The following PAX6 variants were observed in gnomAD, a reference collection of about 807,000 sequenced individuals.
The protein encoded by PAX6 is paired box protein Pax-6.
PAX6 carries 7 observed loss-of-function variants against 60.7 expected under a neutral mutation model. The ratio of observed to expected loss-of-function variants is 0.12; its 90% confidence interval spans 0.07 to 0.22. The LOEUF is 0.22. Among genes scored for constraint, PAX6 ranks in the 10% least tolerant of loss-of-function variants. The pLI is 1.00. For synonymous variants in PAX6, 208 were observed against 201.2 expected (o/e 1.03, Z -0.29); for missense variants, 355 against 555.2 (o/e 0.64, Z 3.62).
chr11:31,794,811 G>A lies in PAX6; in HGVS notation c.566-23C>T, dbSNP rs371156492. 5.0e-6 allele frequency: 8 copies of A among 1,613,758 alleles called. No homozygotes were observed. In the South Asian group the frequency reaches 6.6e-5, roughly 13 times the overall value. ...CATCTGGAACAAAAAGAATAGGATG[G>A]TAAGAGAAATTTGGATTAACTTGGA... On this transcript the variant is annotated intron_variant, in intron 8 of 13. Coordinates refer to ENST00000640368, the MANE Select transcript of PAX6 (RefSeq NM_001368894.2).
rs1461951168 is a variant in PAX6 at position 31,800,847 on chromosome 11, T to C, written c.409A>G (p.Ile137Val). ...TNDNIPSVSS[I>V]NRVLRNLASE... ...GCCAGGTTGCGAAGAACTCTGTTTA[T>C]TGATGACACCTGCAAATCAAACCAA... The change falls in exon 8 of 14, where the codon ATA becomes GTA. Residue 137 changes from isoleucine to valine, a missense_variant. This residue lies in a region of PAX6 where 143 missense variants were observed against 183.6 expected (regional missense o/e 0.78). Coordinates refer to ENST00000640368, the MANE Select transcript of PAX6 (RefSeq NM_001368894.2). The C allele has an allele frequency of 1.2e-6, 2 of 1,614,072 alleles. No individual in the cohort carries two copies. The highest frequency in any genetic ancestry group is 1.7e-6 in the Non-Finnish European group (2 of 1,180,038).
At chr11:31,803,076 C>G in intron 4 of PAX6, 1 of 552,978 alleles carries the variant, frequency 1.8e-6, no homozygotes, top group Non-Finnish European at 3.2e-6. Context: ...GACAACAGGA[C>G]CACCAGCCAT....
At position 31,800,738 on chromosome 11, in the gene PAX6, C is replaced by T. The variant is rs1953485711; in HGVS notation, c.518G>A (p.Arg173His). 1.9e-6 allele frequency: 3 copies of T among 1,614,070 alleles called. No homozygotes were observed. Among genetic ancestry groups the T allele is most frequent in the African/African-American group, 2.7e-5 (2 of 74,924 alleles). Residue 173 changes from arginine (R) to histidine (H), a missense_variant, in exon 8 of 14, where the codon CGC becomes CAC. This residue lies in a region of PAX6 where 143 missense variants were observed against 183.6 expected (regional missense o/e 0.78). Transcript: ENST00000640368. ...CGAAGTCCCCGGATACCAACCAGGG[C>T]GGGTGCCCCAGCTTCCGGTCTGCCC... is the stretch of plus-strand genomic sequence containing the variant. ...LNGQTGSWGT[R>H]PGWYPGTSVP...
upstream of PAX6, chr11:31,812,786 C>G (rs1565283337): frequency 6.6e-6 from 1 of 152,590 alleles, no homozygotes; most frequent in South Asian, 2.1e-4. Context: ...AATGAAGCAG[C>G]CGAAGGGTAC....
intron 8 of PAX6, among the ~76,000 whole-genome samples, chr11:31,798,132 G>C (rs561436004): frequency 7.1e-6 from 1 of 140,556 alleles, no homozygotes; most frequent in South Asian, 2.3e-4. Context: ...CTGGAGCGCG[G>C]ATCAAAACAT....
At chr11:31,801,423 C>G in intron 7 of PAX6, 138 bp downstream of exon 7, 1 of 1,549,156 alleles carries the variant, frequency 6.5e-7, no homozygotes, top group Non-Finnish European at 8.7e-7. Context: ...TCTCTGTTCC[C>G]CCAGGTACAA....
At chr11:31,799,823 A>G (rs908262477) in intron 8 of PAX6, among the ~76,000 whole-genome samples, 1 of 152,118 alleles carries the variant, frequency 6.6e-6, no homozygotes, top group African/African-American at 2.4e-5. Context: ...ATTATCCCGC[A>G]TATTATCTCC....
intron 8 of PAX6, among the ~76,000 whole-genome samples, chr11:31,796,909 C>T (rs941838671): frequency 3.9e-5 from 6 of 152,064 alleles, no homozygotes; most frequent in Admixed American, 6.5e-5. Flanking sequence ...GAGGGAGACG[C>T]GCTCCGCTCA....
At chr11:31,801,417 T>C in intron 7 of PAX6, 144 bp downstream of exon 7, 2 of 1,541,824 alleles carry the variant, frequency 1.3e-6, no homozygotes, top group Non-Finnish European at 8.7e-7. Context: ...CATTCCTCTC[T>C]GTTCCCCCAG....
chr11:31,801,487 G>C (rs1316142524), intron 7 of PAX6, 74 bp downstream of exon 7: 1 of 1,610,166 alleles, frequency 6.2e-7, no homozygotes, highest in Non-Finnish European at 8.5e-7. Flanking sequence ...AGTGGAGAGA[G>C]AGGGTGGGAG....
At position 31,801,906 on chromosome 11, in the gene PAX6, C is replaced by T; in HGVS notation, c.148G>A (p.Ala50Thr). ...TCCAGCACTTGGACTTTTGCATCTG[C>T]ATGGGTCTATAACACAAAAATATAC... ...CDISRILQTH[A>T]DAKVQVLDNQ... Residue 50 changes from alanine to threonine, a missense_variant, in exon 6 of 14, where the codon GCA becomes ACA. Physicochemically the swap from Ala to Thr is moderately conservative, Grantham distance 58. This residue lies in a region of PAX6 where 41 missense variants were observed against 77.1 expected (regional missense o/e 0.53). Coordinates refer to ENST00000640368, the MANE Select transcript of PAX6 (RefSeq NM_001368894.2). 1 of 1,613,816 alleles carries T rather than the reference C, an allele frequency of 6.2e-7. No homozygotes were observed. Among genetic ancestry groups the T allele is most frequent in the South Asian group, 1.1e-5 (1 of 91,046 alleles).
intron 8 of PAX6, among the ~76,000 whole-genome samples, chr11:31,799,713 C>T (rs1368638125): frequency 1.3e-5 from 2 of 152,272 alleles, no homozygotes; most frequent in Non-Finnish European, 1.5e-5. Flanking sequence ...GGTCCGAGAG[C>T]TCACGGATGC....
chr11:31,811,014 T>C lies in PAX6; in HGVS notation c.-315A>G, dbSNP rs1306831272. ...TGGTGTGTGAGAGCAATTCTCAGAT[T>C]CCTGGGAAGGAGACAGAGATTGACA... On this transcript the variant is annotated splice_region_variant and 5_prime_UTR_variant, in exon 2 of 14. Coordinates refer to ENST00000640368, the MANE Select transcript of PAX6 (RefSeq NM_001368894.2). The C allele has an allele frequency of 1.3e-5, 5 of 399,232 alleles. No individual in the cohort carries two copies. Among genetic ancestry groups the C allele is most frequent in the Admixed American group, 8.8e-5 (2 of 22,722 alleles). The allele number at this position is 399,232 out of a possible 1,614,324, so 24.7% of individuals were successfully genotyped here.
In PAX6 at chr11:31,789,195, C is replaced by T. The variant is rs1450307937; in HGVS notation, c.*739G>A. 1 of 206,678 alleles carries T rather than the reference C, an allele frequency of 4.8e-6. No individual in the cohort carries two copies. The highest frequency in any genetic ancestry group is 2.3e-5 in the African/African-American group (1 of 43,898). 12.8% of individuals were successfully genotyped at this position (206,678 alleles called of 1,614,324 possible). On this transcript the variant is annotated 3_prime_UTR_variant, in exon 14 of 14. Transcript: ENST00000640368. ...GTGTATAAAACATCTATATTCTTGTCAAATATAAATGAAATTAACTTTATT... is the reference window on the plus strand; with the variant it reads ...GTGTATAAAACATCTATATTCTTGTTAAATATAAATGAAATTAACTTTATT...
chr11:31,813,390 G>C (rs1340061148), upstream of PAX6, among the ~76,000 whole-genome samples: 1 of 39,838 alleles, frequency 2.5e-5, no homozygotes, highest in African/African-American at 1.4e-4. Flanking sequence ...GCGGGGGGGC[G>C]GGGGGGGGGG....
intron 8 of PAX6, among the ~76,000 whole-genome samples, chr11:31,797,298 T>C (rs1020944938): frequency 1.3e-5 from 2 of 152,114 alleles, no homozygotes; most frequent in African/African-American, 2.4e-5. Flanking sequence ...ACCCCGCCGA[T>C]AGCATGCTCT....
chr11:31,812,028 C>T (rs1449896958), upstream of PAX6: 1 of 152,670 alleles, frequency 6.6e-6, no homozygotes, highest in African/African-American at 2.4e-5. Flanking sequence ...TTTCGGAAGC[C>T]GCGGTGCGCA....
chr11:31,817,924 GC>G (rs1308189679), exon 1 of PAX6: 1 of 152,690 alleles, frequency 6.5e-6, no homozygotes, highest in African/African-American at 2.4e-5. Context: ...GCGAGGACCT[GC>G]CCCAGAGTTT....
intron 8 of PAX6, among the ~76,000 whole-genome samples, chr11:31,799,172 A>G (rs944909979): frequency 1.3e-5 from 2 of 152,130 alleles, no homozygotes; most frequent in Non-Finnish European, 1.5e-5. Flanking sequence ...CGGTTTCAAA[A>G]GTCAGGCAGG....
Sources: allele counts gnomAD v4.1 joint callset (sites outside exome capture counted in the v4.1 genomes callset), GRCh38; gene constraint gnomAD v4.1.1; regional missense constraint gnomAD v4.1.1; transcripts MANE v1.5; gene names NCBI Gene and HGNC (gene_info 2026-07-23, HGNC 2026-07-21).